TUB: variants seen among roughly 807,000 people sequenced by gnomAD.
TUB encodes the protein tubby protein homolog.
TUB carries 33 observed loss-of-function variants against 59.7 expected under a neutral mutation model. The observed-to-expected ratio is 0.55, with a 90% confidence interval of 0.42 to 0.74. TUB has a LOEUF of 0.74. Among genes scored for constraint, TUB ranks in the 30% least tolerant of loss-of-function variants. TUB has a pLI of 0.00. For synonymous variants in TUB, 293 were observed against 256.4 expected, an observed-to-expected ratio of 1.14 and a Z score of -1.36; for missense variants, 659 against 672.0, an observed-to-expected ratio of 0.98 and a Z score of 0.21.
At chr11:8,066,601 G>A (rs1333461491) in intron 2 of TUB, among the ~76,000 whole-genome samples, 1 of 152,178 alleles carries the variant, frequency 6.6e-6, no homozygotes, top group Non-Finnish European at 1.5e-5. Context: ...CACCCTGCTT[G>A]GGGCAACACC....
rs769436518 is a variant in TUB, at chr11:8,090,144, C to A, written c.166C>A (p.Pro56Thr). Reference sequence around the variant, plus strand: ...GGTGCAGGCCAATGCAGATGGGCGGCCCCGGAGCCGGCGGGCCCGGCAGTC... The same window carrying A: ...GGTGCAGGCCAATGCAGATGGGCGGACCCGGAGCCGGCGGGCCCGGCAGTC... ...LMVQANADGRPRSRRARQSEE... is the reference protein window; with the variant it reads ...LMVQANADGRTRSRRARQSEE... Residue 56 changes from proline to threonine, a missense_variant, in exon 3 of 12, where the codon CCC becomes ACC. By Grantham distance (38) the Pro-to-Thr change is conservative. Transcript: ENST00000299506. 3.1e-6 allele frequency: 5 copies of A among 1,613,470 alleles called. No homozygotes were observed. In the Admixed American group the frequency reaches 5.0e-5, roughly 16 times the overall value.
chr11:8,098,730 C>A, intron 8 of TUB, 28 bp from the exon 9 acceptor site: 1 of 1,544,170 alleles, frequency 6.5e-7, no homozygotes, highest in Non-Finnish European at 9.0e-7. Context: ...GGGTGCATGA[C>A]TCTATACTGA....
At chr11:8,075,869 G>A (rs1019832939) in intron 2 of TUB, 1 of 152,278 alleles carries the variant, frequency 6.6e-6, no homozygotes, top group African/African-American at 2.4e-5. Flanking sequence ...AGAGGAGATG[G>A]TTGGGAAAGG....
At position 8,100,507 on chromosome 11, in the gene TUB, C is replaced by T; in HGVS notation, c.1121C>T (p.Thr374Ile). 1 of 1,614,042 alleles carries T rather than the reference C, an allele frequency of 6.2e-7. No homozygotes were observed. Among genetic ancestry groups the T allele is most frequent in the Non-Finnish European group, 8.5e-7 (1 of 1,179,970 alleles). ...RQELAAVCYE[T>I]NVLGFKGPRK... is the part of the protein sequence containing the mutation. Reference sequence around the variant, plus strand: ...GTGTTGCGTTCTCTTTCCCAGGAGACAAACGTCTTAGGCTTCAAGGGGCCT... The same window carrying T: ...GTGTTGCGTTCTCTTTCCCAGGAGATAAACGTCTTAGGCTTCAAGGGGCCT... Residue 374 changes from threonine to isoleucine, a missense_variant, in exon 10 of 12, where the codon ACA (threonine) becomes ATA (isoleucine). This residue lies in a region of TUB where 226 missense variants were observed against 210.8 expected (regional missense o/e 1.07). Transcript: ENST00000299506.
At chr11:8,034,754 C>T (rs1589923255), upstream of TUB, among the ~76,000 whole-genome samples, 1 of 152,190 alleles carries the variant, frequency 6.6e-6, no homozygotes, top group South Asian at 2.1e-4. Flanking sequence ...CCCCTCCATT[C>T]CCCTCTCCCC....
rs567701415 is a variant in TUB at position 8,062,923 on chromosome 11, G to A, written c.203+23231G>A. 2.5e-3 allele frequency among the ~76,000 whole-genome samples: 388 copies of A among 152,304 alleles called. 4 individuals are homozygous for A. The highest frequency in any genetic ancestry group is 8.7e-3 in the African/African-American group (362 of 41,564). On this transcript the variant is annotated intron_variant, in intron 2 of 12. Coordinates refer to the TUB transcript ENST00000305253. The stretch of plus-strand genomic sequence containing the variant: ...AGGTGTTCAGGTCATCTGCACTCTC[G>A]TGGGAAGGAGAGGCCGACATACTCT...
intron 2 of TUB, among the ~76,000 whole-genome samples, chr11:8,054,543 G>T (rs534370673): frequency 1.3e-5 from 2 of 152,312 alleles, no homozygotes; most frequent in East Asian, 1.9e-4. Flanking sequence ...ATGGATATGT[G>T]TGAGCCTGTA....
At chr11:8,060,437 G>A (rs1206257964) in intron 2 of TUB, among the ~76,000 whole-genome samples, 1 of 152,196 alleles carries the variant, frequency 6.6e-6, no homozygotes, top group East Asian at 1.9e-4. Flanking sequence ...AGGAGTCATG[G>A]GGCCTCAGTT....
chr11:8,054,615 A>G (rs143036640), intron 2 of TUB, among the ~76,000 whole-genome samples: 107 of 152,346 alleles, frequency 7.0e-4, no homozygotes, highest in African/African-American at 2.4e-3. Flanking sequence ...TGGCATATCT[A>G]TGCATACACC....
At chr11:8,089,987 G>A in intron 2 of TUB, 82 bp from the exon 3 acceptor site, 1 of 1,467,176 alleles carries the variant, frequency 6.8e-7, no homozygotes. Flanking sequence ...TTGGCCCAAG[G>A]TGGGCTGTGG....
intron 2 of TUB, among the ~76,000 whole-genome samples, chr11:8,054,829 A>T (rs902427702): frequency 6.6e-6 from 1 of 152,226 alleles, no homozygotes; most frequent in Non-Finnish European, 1.5e-5. Flanking sequence ...CACATGGCAC[A>T]TCTGGCTAAA....
chr11:8,032,512 A>T (rs1429123152), intron 1 of TUB, among the ~76,000 whole-genome samples: 4 of 152,182 alleles, frequency 2.6e-5, no homozygotes, highest in Admixed American at 1.3e-4. Flanking sequence ...TATCGGCTTA[A>T]ATGTTGTCTA....
At chr11:8,030,748 G>A (rs1468770715) in intron 1 of TUB, among the ~76,000 whole-genome samples, 1 of 152,178 alleles carries the variant, frequency 6.6e-6, no homozygotes, top group Non-Finnish European at 1.5e-5. Context: ...GCGGTCCCTG[G>A]ATCTGGGGAG....
chr11:8,040,434 TG>T (rs1942730041), intron 2 of TUB, among the ~76,000 whole-genome samples: 1 of 151,886 alleles, frequency 6.6e-6, no homozygotes, highest in Admixed American at 6.6e-5. Flanking sequence ...GCCAGAGAAA[TG>T]GGGGGCACCT....
intron 2 of TUB, chr11:8,067,303 C>T (rs1040692209): frequency 1.3e-5 from 2 of 152,210 alleles, no homozygotes; most frequent in Non-Finnish European, 2.9e-5. Flanking sequence ...GTCCTGCAGC[C>T]CCAGGTTTGG....
At position 8,106,168 on chromosome 11, in the gene TUB, T is replaced by TTATG. The variant is rs765080408; in HGVS notation, c.*4555_*4558dup. 6.6e-6 allele frequency: 1 copy of TTATG among 152,226 alleles called. No homozygotes were observed. The highest frequency in any genetic ancestry group is 1.5e-5 in the Non-Finnish European group (1 of 68,048). The allele number at this position is 152,226 out of a possible 1,614,324, so 9.4% of individuals were successfully genotyped here. A position where few individuals can be genotyped will look rare whatever the true frequency, so the allele number is the denominator to read the frequency against. On this transcript the variant is annotated 3_prime_UTR_variant, in exon 12 of 12. Transcript: ENST00000299506. ...AACTTGGTATTTTCCCATGTTGACA[T>TTATG]TATGTATGTTGTAGAATTTAGTGTT...
intron 9 of TUB, among the ~76,000 whole-genome samples, chr11:8,099,877 ATGGAG>A (rs1255255818): frequency 6.6e-5 from 10 of 152,188 alleles, no homozygotes; most frequent in Non-Finnish European, 1.3e-4. Flanking sequence ...TGAAGAAGGA[ATGGAG>A]TGGATACCAG....
chr11:8,088,793 C>T (rs61879643), intron 1 of TUB, among the ~76,000 whole-genome samples: 3 of 152,214 alleles, frequency 2.0e-5, no homozygotes, highest in African/African-American at 4.8e-5. Flanking sequence ...CCCTGCCTTC[C>T]TCAGAGGCAT....
chr11:8,081,670 G>C, intron 1 of TUB, 122 bp downstream of exon 1: 1 of 1,115,240 alleles, frequency 9.0e-7, no homozygotes. Flanking sequence ...CTGGGGCGCG[G>C]GTTGGAGTCG....
Sources: gnomAD v4.1 joint callset for allele counts (sites outside exome capture counted in the v4.1 genomes callset) on GRCh38, gnomAD v4.1.1 for gene constraint, gnomAD v4.1.1 regional missense constraint, MANE v1.5 for transcripts, NCBI Gene and HGNC (gene_info 2026-07-23, HGNC 2026-07-21) for gene names.